Variants in RECK observed in about 807,000 individuals in gnomAD.
RECK encodes reversion-inducing cysteine-rich protein with Kazal motifs.
RECK carries 69 observed loss-of-function variants against 115.1 expected under a neutral mutation model. That is an observed-to-expected ratio of 0.60 (90% CI 0.49 to 0.73). RECK has a LOEUF of 0.73. RECK is among the 30% of genes least tolerant of loss of function. The pLI, the probability that RECK is intolerant of heterozygous loss-of-function variation, is 0.00. For synonymous variants in RECK, 414 were observed against 419.7 expected, an observed-to-expected ratio of 0.99 and a Z score of 0.17; for missense variants, 1,047 against 1,203.7, an observed-to-expected ratio of 0.87 and a Z score of 1.93.
At chr9:36,044,308 GATTTTATACC>G (rs1307602502) in intron 1 of RECK, among the ~76,000 whole-genome samples, 1 of 151,778 alleles carries the variant, frequency 6.6e-6, no homozygotes, top group Non-Finnish European at 1.5e-5. Flanking sequence ...CAGTGCTACT[GATTTTATACC>G]TTGATTTTGT....
chr9:36,114,023 A>G (rs946717803), intron 16 of RECK, among the ~76,000 whole-genome samples: 2 of 152,214 alleles, frequency 1.3e-5, no homozygotes, highest in African/African-American at 2.4e-5. Flanking sequence ...GGATCCTTCC[A>G]TATAGTGACC....
intron 2 of RECK, 133 bp downstream of exon 2, chr9:36,052,456 G>T: frequency 1.7e-6 from 1 of 574,718 alleles, no homozygotes. Context: ...AACATAGCAA[G>T]ACCCCTGTCT....
At chr9:36,084,733 G>A (rs543056739) in intron 8 of RECK, among the ~76,000 whole-genome samples, 10 of 151,678 alleles carry the variant, frequency 6.6e-5, no homozygotes, top group African/African-American at 2.4e-4. Context: ...AGGAAGGGAG[G>A]GAGGGAGGGA....
At chr9:36,114,011 T>TGGGATCCTTCCATATAGTGACCC (rs1366066886) in intron 16 of RECK, among the ~76,000 whole-genome samples, 1 of 152,202 alleles carries the variant, frequency 6.6e-6, no homozygotes, top group African/African-American at 2.4e-5. Flanking sequence ...TTCAGAGACG[T>TGGGATCCTTCCATATAGTGACCC]GGGATCCTTC....
chr9:36,040,690 A>C (rs531963082), intron 1 of RECK, among the ~76,000 whole-genome samples: 27 of 152,096 alleles, frequency 1.8e-4, no homozygotes, highest in African/African-American at 6.5e-4. Context: ...TAGTTCAAGC[A>C]GGAGATAAGG....
chr9:36,044,619 G>C (rs1821003251), intron 1 of RECK, among the ~76,000 whole-genome samples: 2 of 152,208 alleles, frequency 1.3e-5, no homozygotes, highest in Admixed American at 1.3e-4. Context: ...AATGATTAGA[G>C]AAGAGTTAAG....
chr9:36,109,181 T>C (rs536486816), intron 14 of RECK, among the ~76,000 whole-genome samples: 3 of 152,250 alleles, frequency 2.0e-5, no homozygotes, highest in African/African-American at 4.8e-5. Context: ...ACTGACTAAA[T>C]GCCTATTCTG....
intron 1 of RECK, among the ~76,000 whole-genome samples, chr9:36,047,125 C>G (rs181319296): frequency 3.1e-4 from 47 of 152,232 alleles, no homozygotes; most frequent in Admixed American, 1.0e-3. Flanking sequence ...GATTTTCTGC[C>G]CTCACATGAA....
At chr9:36,080,557 T>C in intron 6 of RECK, 48 bp from the exon 7 acceptor site, 1 of 1,449,798 alleles carries the variant, frequency 6.9e-7, no homozygotes, top group Non-Finnish European at 9.6e-7. Flanking sequence ...AATTACAAAT[T>C]CTCTCTGGTT....
chr9:36,038,242 A>T (rs1351722604), intron 1 of RECK, among the ~76,000 whole-genome samples: 3 of 152,000 alleles, frequency 2.0e-5, no homozygotes, highest in Non-Finnish European at 4.4e-5. Context: ...GAGCCCCGGG[A>T]AGTTGAGGCT....
At chr9:36,098,672 A>C (rs1823453735) in intron 10 of RECK, among the ~76,000 whole-genome samples, 1 of 152,226 alleles carries the variant, frequency 6.6e-6, no homozygotes, top group South Asian at 2.1e-4. Flanking sequence ...CTTATTCGTA[A>C]TAGCCCAAAA....
chr9:36,102,041 A>T, intron 11 of RECK, 53 bp from the exon 12 acceptor site: 1 of 1,554,864 alleles, frequency 6.4e-7, no homozygotes. Context: ...TGTTGACTGG[A>T]CAACATGAGG....
At chr9:36,074,047 G>GATGTT (rs1822348982) in intron 6 of RECK, among the ~76,000 whole-genome samples, 1 of 152,098 alleles carries the variant, frequency 6.6e-6, no homozygotes, top group South Asian at 2.1e-4. Context: ...CACAAAAAAA[G>GATGTT]CTGGTTCCAG....
intron 6 of RECK, among the ~76,000 whole-genome samples, chr9:36,078,074 T>G (rs1564116074): frequency 1.3e-5 from 2 of 152,218 alleles, no homozygotes; most frequent in Admixed American, 1.3e-4. Flanking sequence ...AATTAAAATT[T>G]TAAAAGTATG....
At chr9:36,063,936 G>A in intron 5 of RECK, 56 bp downstream of exon 5, 2 of 1,536,712 alleles carry the variant, frequency 1.3e-6, no homozygotes, top group Admixed American at 1.7e-5. Context: ...GGTTTTAGCT[G>A]TGCACATGTC....
intron 15 of RECK, among the ~76,000 whole-genome samples, chr9:36,111,877 G>A (rs779039349): frequency 3.3e-4 from 50 of 151,796 alleles, no homozygotes; most frequent in Admixed American, 1.9e-3. Context: ...TCAACTAGTT[G>A]GCAATAAAAA....
intron 1 of RECK, among the ~76,000 whole-genome samples, chr9:36,042,536 TGCTGCTAC>T (rs1820908556): frequency 6.6e-6 from 1 of 152,140 alleles, no homozygotes; most frequent in South Asian, 2.1e-4. Flanking sequence ...TTGCTAATTG[TGCTGCTAC>T]ACACATCTAC....
intron 2 of RECK, among the ~76,000 whole-genome samples, chr9:36,058,551 T>C (rs1821626486): frequency 6.9e-6 from 1 of 144,830 alleles, no homozygotes; most frequent in South Asian, 2.2e-4. Context: ...TACCTAATGC[T>C]AGATGACGAG....
rs1204444146 is a variant in RECK, at chr9:36,087,808, A to G, written c.752A>G (p.Lys251Arg). The G allele has an allele frequency of 1.9e-6, 3 of 1,614,072 alleles. No individual in the cohort carries two copies. Among genetic ancestry groups the G allele is most frequent in the Non-Finnish European group, 2.5e-6 (3 of 1,179,946 alleles). The stretch of plus-strand genomic sequence containing the variant: ...GTTGATGGTCTCATCGAGGGTTGTA[A>G]GACCCAGCCCTTGCCTCAAGATCCT... The part of the protein sequence containing the change: ...EIVDGLIEGC[K>R]TQPLPQDPLW... Residue 251 changes from lysine to arginine, a missense_variant, in exon 9 of 21, where the codon AAG (lysine) becomes AGG (arginine). Lys to Arg is a conservative substitution (Grantham distance 26, BLOSUM62 2). Transcript: ENST00000377966.
Sources: allele counts gnomAD v4.1 joint callset (sites outside exome capture counted in the v4.1 genomes callset), GRCh38; gene constraint gnomAD v4.1.1; transcripts MANE v1.5; gene names NCBI Gene and HGNC (gene_info 2026-07-23, HGNC 2026-07-21).